CTNND2: variants seen among roughly 807,000 people sequenced by gnomAD.
The protein encoded by CTNND2 is catenin delta-2.
Under a neutral mutation model 144.4 loss-of-function variants are expected in CTNND2, and 22 were observed. The observed-to-expected ratio is 0.15, with a 90% confidence interval of 0.11 to 0.22. CTNND2 has a LOEUF of 0.22. Ranked by LOEUF, CTNND2 falls within the 10% of genes least tolerant of loss-of-function variation. CTNND2 has a pLI of 1.00. For missense variants in CTNND2, 1,353 were observed against 1,618.8 expected (o/e 0.84, Z 2.82); for synonymous variants, 751 against 695.6 (o/e 1.08, Z -1.25).
chr5:11,365,086 A>T (rs569158754), intron 7 of CTNND2, among the ~76,000 whole-genome samples, 196 bp from the exon 8 acceptor site: 5 of 152,362 alleles, frequency 3.3e-5, no homozygotes, highest in African/African-American at 1.2e-4. Flanking sequence ...TTTGCGACCA[A>T]ACATGATCTC....
chr5:10,994,390 A>T (rs1579980485), intron 18 of CTNND2, among the ~76,000 whole-genome samples: 1 of 24,392 alleles, frequency 4.1e-5, no homozygotes, highest in Admixed American at 4.4e-4. Context: ...GGGAAAGAGG[A>T]GGGGGGCGGG....
At chr5:11,415,505 TCAA>T (rs1483501195) in intron 3 of CTNND2, among the ~76,000 whole-genome samples, 1 of 151,926 alleles carries the variant, frequency 6.6e-6, no homozygotes, top group Non-Finnish European at 1.5e-5. Context: ...AATTGGGAGG[TCAA>T]CATGGGAAGA....
At chr5:11,662,267 G>GTATATATA (rs1392273115) in intron 2 of CTNND2, among the ~76,000 whole-genome samples, 1,183 of 116,160 alleles carry the variant, frequency 0.01, 9 homozygotes, top group Non-Finnish European at 0.016. Context: ...ATATATGTGT[G>GTATATATA]TGTGTGTATA....
chr5:11,526,590 C>T (rs568473573), intron 3 of CTNND2, among the ~76,000 whole-genome samples: 2 of 152,282 alleles, frequency 1.3e-5, no homozygotes, highest in South Asian at 2.1e-4. Flanking sequence ...CACACGCCAG[C>T]CCTCTTCTAA....
chr5:11,217,546 GC>G (rs1365458203), intron 10 of CTNND2, among the ~76,000 whole-genome samples: 1 of 152,130 alleles, frequency 6.6e-6, no homozygotes, highest in African/African-American at 2.4e-5. Flanking sequence ...GAGGCTTCCT[GC>G]TCATGCATTT....
chr5:11,621,121 T>C (rs1379521483), intron 2 of CTNND2, among the ~76,000 whole-genome samples: 1 of 152,194 alleles, frequency 6.6e-6, no homozygotes, highest in African/African-American at 2.4e-5. Flanking sequence ...CATGCATCCA[T>C]CTAAAATAAT....
chr5:11,024,007 AT>A (rs1305259141), intron 16 of CTNND2, among the ~76,000 whole-genome samples: 6 of 152,210 alleles, frequency 3.9e-5, no homozygotes, highest in Non-Finnish European at 5.9e-5. Context: ...CTTGTCTCCC[AT>A]CCCCCAATTA....
In CTNND2 at chr5:11,119,598, G is replaced by C. The variant is rs567078278; in HGVS notation, c.2160-2031C>G. Among the ~76,000 whole-genome samples the C allele has an allele frequency of 7.9e-5, 12 of 152,280 alleles. No homozygotes were observed. The South Asian group carries it at 2.5e-3, about 32-fold the overall frequency. ...AACTAAAAGAATGGCCCTTTTAAAG[G>C]AGCATTTTAGATCATTCCTTCTTGA... On this transcript the variant is annotated intron_variant, in intron 12 of 21. Coordinates refer to ENST00000304623, the MANE Select transcript of CTNND2 (RefSeq NM_001332.4).
intron 1 of CTNND2, among the ~76,000 whole-genome samples, chr5:11,889,037 A>G (rs545064518): frequency 5.3e-5 from 8 of 152,310 alleles, no homozygotes; most frequent in African/African-American, 1.9e-4. Context: ...GATGTGAGTC[A>G]CCACGCCCAG....
chr5:11,098,028 C>T (rs1212476915), intron 15 of CTNND2, among the ~76,000 whole-genome samples: 2 of 152,200 alleles, frequency 1.3e-5, no homozygotes, highest in African/African-American at 2.4e-5. Flanking sequence ...AAAGGCTGTT[C>T]TAATCTCCTC....
At chr5:11,389,325 C>T (rs571467455) in intron 6 of CTNND2, among the ~76,000 whole-genome samples, 1 of 152,306 alleles carries the variant, frequency 6.6e-6, no homozygotes, top group Admixed American at 6.5e-5. Flanking sequence ...GAGTATGGTG[C>T]ACATTAAGTG....
chr5:11,797,389 A>T (rs952986885), intron 1 of CTNND2, among the ~76,000 whole-genome samples: 1 of 152,160 alleles, frequency 6.6e-6, no homozygotes, highest in African/African-American at 2.4e-5. Flanking sequence ...GGATAAGTGG[A>T]ATTAATTTTC....
At chr5:11,342,352 C>T (rs950993458) in intron 9 of CTNND2, among the ~76,000 whole-genome samples, 12 of 152,142 alleles carry the variant, frequency 7.9e-5, no homozygotes, top group African/African-American at 1.4e-4. Context: ...CGGTTTGAAA[C>T]GGAACAAATC....
At chr5:11,820,617 A>C in intron 1 of CTNND2, among the ~76,000 whole-genome samples, 1 of 152,212 alleles carries the variant, frequency 6.6e-6, no homozygotes, top group Non-Finnish European at 1.5e-5. Flanking sequence ...CCTATGTTAA[A>C]GATTTCCTTT....
At chr5:11,167,190 T>C (rs899778081) in intron 11 of CTNND2, among the ~76,000 whole-genome samples, 1 of 152,188 alleles carries the variant, frequency 6.6e-6, no homozygotes, top group African/African-American at 2.4e-5. Context: ...CTGAGGCTGA[T>C]AGGCGTGGGA....
intron 1 of CTNND2, among the ~76,000 whole-genome samples, chr5:11,853,273 G>C (rs991333180): frequency 6.6e-6 from 1 of 152,096 alleles, no homozygotes; most frequent in African/African-American, 2.4e-5. Context: ...GACAGGTGCA[G>C]GCACAGCCAA....
At chr5:11,073,761 G>C (rs1748606638) in intron 16 of CTNND2, among the ~76,000 whole-genome samples, 1 of 152,172 alleles carries the variant, frequency 6.6e-6, no homozygotes, top group Admixed American at 6.5e-5. Context: ...CTAATCTGAA[G>C]ATACAAAGTT....
intron 11 of CTNND2, among the ~76,000 whole-genome samples, chr5:11,178,899 T>C (rs1372059297): frequency 6.6e-6 from 1 of 152,218 alleles, no homozygotes; most frequent in African/African-American, 2.4e-5. Flanking sequence ...CTGATCTTTA[T>C]GATACTGTGG....
chr5:11,035,584 G>T (rs1002174549), intron 16 of CTNND2, among the ~76,000 whole-genome samples: 2 of 152,240 alleles, frequency 1.3e-5, no homozygotes, highest in African/African-American at 4.8e-5. Context: ...AGGTCTGGGG[G>T]AATAGGCTCT....
Sources: gnomAD v4.1 joint callset for allele counts (sites outside exome capture counted in the v4.1 genomes callset) on GRCh38, gnomAD v4.1.1 for gene constraint, MANE v1.5 for transcripts, NCBI Gene and HGNC (gene_info 2026-07-23, HGNC 2026-07-21) for gene names.